Variants in CGRRF1 observed in about 807,000 individuals in gnomAD.
CGRRF1 encodes cell growth regulator with RING finger domain protein 1.
A neutral mutation model predicts 37.2 loss-of-function variants in CGRRF1; 32 were observed. The observed-to-expected ratio is 0.86, with a 90% confidence interval of 0.65 to 1.16. The LOEUF is 1.16. CGRRF1 is among the 50% of genes most tolerant of loss of function. CGRRF1 has a pLI of 0.00. For missense variants in CGRRF1, 391 were observed against 382.6 expected (o/e 1.02, Z -0.18); for synonymous variants, 141 against 140.3 (o/e 1.00, Z -0.04).
chr14:54,527,178 T>C (rs2032426526), intron 2 of CGRRF1, among the ~76,000 whole-genome samples: 1 of 151,940 alleles, frequency 6.6e-6, no homozygotes, highest in African/African-American at 2.4e-5. Context: ...TACTGAGTTT[T>C]AGAAGGCAAA....
At chr14:54,519,132 G>T (rs2032270566) in intron 1 of CGRRF1, among the ~76,000 whole-genome samples, 3 of 151,544 alleles carry the variant, frequency 2.0e-5, no homozygotes, top group African/African-American at 4.9e-5. Flanking sequence ...TTTTAGTAGA[G>T]ACGGGGTTTC....
intron 1 of CGRRF1, among the ~76,000 whole-genome samples, chr14:54,520,513 A>G (rs533649878): frequency 6.6e-6 from 1 of 152,224 alleles, no homozygotes; most frequent in Non-Finnish European, 1.5e-5. Context: ...CTGTCAAGAT[A>G]CTGAACGTTA....
At chr14:54,513,942 A>G (rs1423677025) in intron 1 of CGRRF1, among the ~76,000 whole-genome samples, 1 of 152,136 alleles carries the variant, frequency 6.6e-6, no homozygotes, top group African/African-American at 2.4e-5. Context: ...GAGACTTGGA[A>G]TGGGGACATC....
chr14:54,523,051 T>A, intron 2 of CGRRF1: 1 of 154,128 alleles, frequency 6.5e-6, no homozygotes, highest in Non-Finnish European at 1.4e-5. Flanking sequence ...CACTACAGCC[T>A]CCACCTCCCG....
intron 2 of CGRRF1, among the ~76,000 whole-genome samples, chr14:54,524,770 C>G (rs1018027622): frequency 8.5e-5 from 13 of 152,238 alleles, no homozygotes; most frequent in Admixed American, 7.2e-4. Context: ...AAACTAGGAT[C>G]TCGGCCACTC....
intron 1 of CGRRF1, among the ~76,000 whole-genome samples, chr14:54,518,311 C>T (rs1052474372): frequency 9.9e-5 from 15 of 151,934 alleles, no homozygotes; most frequent in East Asian, 3.8e-4. Context: ...TTTGGGAGGC[C>T]GAGGTGGGCA....
intron 2 of CGRRF1, among the ~76,000 whole-genome samples, chr14:54,528,933 C>T (rs1288334609): frequency 6.6e-6 from 1 of 152,134 alleles, no homozygotes; most frequent in African/African-American, 2.4e-5. Context: ...TCCTGTGGAG[C>T]ATCTGCTTGT....
chr14:54,527,737 G>A lies in CGRRF1; in HGVS notation c.245-2312G>A, dbSNP rs117559284. Among the ~76,000 whole-genome samples the A allele has an allele frequency of 3.8e-3, 576 of 151,432 alleles. 1 individual carries two copies. The highest frequency in any genetic ancestry group is 6.8e-3 in the Admixed American group (103 of 15,178). On this transcript the variant is annotated intron_variant, in intron 2 of 5. Transcript: ENST00000216420. ...TAAGCTGTAAGTTGAGTTTTAAAAG[G>A]CTTATCCTTCCATTGTTCTTTTTTT...
chr14:54,527,377 G>T (rs762333861), intron 2 of CGRRF1, among the ~76,000 whole-genome samples: 2 of 151,874 alleles, frequency 1.3e-5, no homozygotes, highest in Non-Finnish European at 2.9e-5. Context: ...CGAGTTAATG[G>T]GTGCAGGACA....
intron 2 of CGRRF1, among the ~76,000 whole-genome samples, chr14:54,527,660 CTTTT>C (rs965603271): frequency 6.7e-6 from 1 of 150,140 alleles, no homozygotes; most frequent in African/African-American, 2.5e-5. Flanking sequence ...GGGGCTCTGG[CTTTT>C]TTTTTCTTTT....
intron 1 of CGRRF1, among the ~76,000 whole-genome samples, chr14:54,519,381 G>A (rs1212892818): frequency 6.6e-6 from 1 of 151,584 alleles, no homozygotes; most frequent in Non-Finnish European, 1.5e-5. Context: ...GGGACCACAG[G>A]TGTACACCAC....
In CGRRF1 at chr14:54,532,419, A is replaced by G. The variant is rs112173213; in HGVS notation, c.570+1369A>G. 1.3e-3 allele frequency among the ~76,000 whole-genome samples: 201 copies of G among 152,280 alleles called. 1 individual carries two copies. The highest frequency in any genetic ancestry group is 4.7e-3 in the African/African-American group (194 of 41,572). On this transcript the variant is annotated intron_variant, in intron 4 of 5. Transcript: ENST00000216420. ...ATAAAATGAACAGGTCTAGAGATCT[A>G]ATGTACAGCATAAAGACTATAGTTA...
chr14:54,522,695 A>T (rs1734146230), intron 2 of CGRRF1, 102 bp downstream of exon 2: 2 of 1,134,680 alleles, frequency 1.8e-6, no homozygotes, highest in Admixed American at 2.4e-5. Context: ...GACTTTTAAC[A>T]AACATTTGTT....
intron 1 of CGRRF1, chr14:54,510,322 C>T: frequency 2.0e-6 from 1 of 504,372 alleles, no homozygotes. Context: ...TTTTACTCAG[C>T]TTTGTTTCTA....
At chr14:54,532,039 C>T (rs1418594999) in intron 4 of CGRRF1, among the ~76,000 whole-genome samples, 1 of 152,172 alleles carries the variant, frequency 6.6e-6, no homozygotes, top group Non-Finnish European at 1.5e-5. Context: ...ATTCTCCTTT[C>T]ACAGACTGAA....
intron 3 of CGRRF1, 65 bp downstream of exon 3, chr14:54,530,291 T>C: frequency 1.4e-6 from 2 of 1,410,222 alleles, no homozygotes; most frequent in Non-Finnish European, 2.0e-6. Context: ...AAAGTGTTGC[T>C]AACTTATTGA....
intron 4 of CGRRF1, among the ~76,000 whole-genome samples, chr14:54,535,320 CTCTG>C (rs926133248): frequency 1.1e-4 from 16 of 150,776 alleles, no homozygotes; most frequent in South Asian, 4.3e-4. Context: ...CATTTCCATA[CTCTG>C]TCTTTTATGA....
At chr14:54,528,558 C>T (rs1341458951) in intron 2 of CGRRF1, among the ~76,000 whole-genome samples, 1 of 151,624 alleles carries the variant, frequency 6.6e-6, no homozygotes, top group Non-Finnish European at 1.5e-5. Context: ...TCGTATCTAC[C>T]TCCAGCTTTT....
intron 2 of CGRRF1, among the ~76,000 whole-genome samples, chr14:54,528,788 C>T (rs2032459026): frequency 6.6e-6 from 1 of 152,130 alleles, no homozygotes; most frequent in Admixed American, 6.5e-5. Context: ...TTAACCTATG[C>T]AAAGTTCCTA....
Sources: allele counts gnomAD v4.1 joint callset (sites outside exome capture counted in the v4.1 genomes callset), GRCh38; gene constraint gnomAD v4.1.1; transcripts MANE v1.5; gene names NCBI Gene and HGNC (gene_info 2026-07-23, HGNC 2026-07-21).